The following ELOVL7 variants were observed in gnomAD, a reference collection of about 807,000 sequenced individuals.
ELOVL7 encodes ELOVL fatty acid elongase 7.
Under a neutral mutation model 35.7 loss-of-function variants are expected in ELOVL7, and 27 were observed. The observed-to-expected ratio is 0.76, with a 90% CI of 0.56 to 1.04. ELOVL7 has a LOEUF of 1.04. Ranked by LOEUF, ELOVL7 falls within the 50% of genes least tolerant of loss-of-function variation. ELOVL7 has a pLI of 0.00. For synonymous variants in ELOVL7, 113 were observed against 114.6 expected (o/e 0.99, Z 0.09); for missense variants, 327 against 340.8 (o/e 0.96, Z 0.32).
intron 1 of ELOVL7, among the ~76,000 whole-genome samples, chr5:60,838,384 T>C (rs1746958055): frequency 6.6e-6 from 1 of 152,222 alleles, no homozygotes; most frequent in South Asian, 2.1e-4. Context: ...CCCCAGGACC[T>C]GGTCTGTGTA....
chr5:60,810,883 G>A (rs1476522328), intron 1 of ELOVL7, among the ~76,000 whole-genome samples: 1 of 152,162 alleles, frequency 6.6e-6, no homozygotes, highest in African/African-American at 2.4e-5. Context: ...AATATCCATG[G>A]CATTCGTCAA....
intron 3 of ELOVL7, among the ~76,000 whole-genome samples, chr5:60,785,038 A>G (rs1743492717): frequency 6.6e-6 from 1 of 152,180 alleles, no homozygotes; most frequent in Non-Finnish European, 1.5e-5. Flanking sequence ...TTTGCTAATA[A>G]AGAAACAAAG....
intron 1 of ELOVL7, among the ~76,000 whole-genome samples, chr5:60,837,950 C>G (rs1268019441): frequency 6.6e-6 from 1 of 152,088 alleles, no homozygotes; most frequent in African/African-American, 2.4e-5. Flanking sequence ...AAAAAGATAT[C>G]TAATGTAAAC....
intron 4 of ELOVL7, among the ~76,000 whole-genome samples, chr5:60,771,115 G>A (rs1203160197): frequency 1.3e-5 from 2 of 152,170 alleles, no homozygotes; most frequent in African/African-American, 4.8e-5. Context: ...TTGGGCCCTC[G>A]TGAGCCCTAC....
chr5:60,764,749 G>T (rs1324779965), intron 6 of ELOVL7, among the ~76,000 whole-genome samples: 1 of 152,070 alleles, frequency 6.6e-6, no homozygotes, highest in African/African-American at 2.4e-5. Context: ...ATGGATAAGG[G>T]ATTAGGCAAA....
At chr5:60,807,266 A>G (rs138745613) in intron 1 of ELOVL7, among the ~76,000 whole-genome samples, 3 of 152,194 alleles carry the variant, frequency 2.0e-5, no homozygotes, top group Non-Finnish European at 4.4e-5. Flanking sequence ...AGGGAATGGG[A>G]TGCAACCTAT....
rs545171994 is a variant in ELOVL7, at chr5:60,764,736, G to A, written c.394-404C>T. 2.2e-4 allele frequency among the ~76,000 whole-genome samples: 34 copies of A among 152,236 alleles called. 1 individual carries two copies. Among genetic ancestry groups the A allele is most frequent in the Non-Finnish European group, 1.5e-5 (1 of 68,012 alleles). On this transcript the variant is annotated intron_variant, in intron 6 of 8. Transcript: ENST00000508821. ...ACATTGCTTTCTAATACATCTTACT[G>A]ATATGGATAAGGGATTAGGCAAACG... is the stretch of plus-strand genomic sequence containing the variant.
rs1746971521 is a variant in ELOVL7 at position 60,838,649 on chromosome 5, AGATT to A, written c.-86+5507_-86+5510del. 5.9e-5 allele frequency among the ~76,000 whole-genome samples: 9 copies of A among 152,326 alleles called. No homozygotes were observed. In the South Asian group the frequency reaches 1.9e-3, roughly 32 times the overall value. Reference sequence around the variant, plus strand: ...TCATGGCTTAAGTAGCTGCTTATCCAGATTGATTAAGATTTGTCTTTAACATGGG... The same window carrying A: ...TCATGGCTTAAGTAGCTGCTTATCCAGATTAAGATTTGTCTTTAACATGGG... On this transcript the variant is annotated intron_variant, in intron 1 of 8. Coordinates refer to ENST00000508821, the MANE Select transcript of ELOVL7 (RefSeq NM_024930.3).
At chr5:60,792,417 A>G (rs1743993665) in intron 2 of ELOVL7, among the ~76,000 whole-genome samples, 1 of 152,182 alleles carries the variant, frequency 6.6e-6, no homozygotes, top group South Asian at 2.1e-4. Flanking sequence ...CTGGATGCCA[A>G]TGTTACATTG....
At chr5:60,800,025 C>T (rs1250709575) in intron 1 of ELOVL7, among the ~76,000 whole-genome samples, 5 of 83,104 alleles carry the variant, frequency 6.0e-5, no homozygotes, top group Non-Finnish European at 1.1e-4. Context: ...CTCAAAACTC[C>T]ATCTCAAAAA....
chr5:60,843,932 G>A (rs1747341182), intron 1 of ELOVL7, among the ~76,000 whole-genome samples: 1 of 152,110 alleles, frequency 6.6e-6, no homozygotes, highest in African/African-American at 2.4e-5. Flanking sequence ...CCCACGCGCA[G>A]GCAGCGGGGA....
intron 1 of ELOVL7, among the ~76,000 whole-genome samples, chr5:60,821,428 T>C (rs1164579641): frequency 1.3e-5 from 2 of 152,208 alleles, no homozygotes; most frequent in Non-Finnish European, 1.5e-5. Flanking sequence ...ATGTCCCCTC[T>C]ATCCTCCAAC....
chr5:60,818,319 GAAAAAAAAAAA>G (rs60141189), intron 1 of ELOVL7, among the ~76,000 whole-genome samples: 1 of 70,592 alleles, frequency 1.4e-5, no homozygotes, highest in Non-Finnish European at 2.6e-5. Context: ...TTCCATCTCA[GAAAAAAAAAAA>G]AAAAAAAAAA....
chr5:60,818,154 C>T (rs1049655754), intron 1 of ELOVL7, among the ~76,000 whole-genome samples: 64 of 151,406 alleles, frequency 4.2e-4, no homozygotes, highest in African/African-American at 1.5e-3. Flanking sequence ...CCTGTCTGTA[C>T]TAAAAATATA....
intron 1 of ELOVL7, among the ~76,000 whole-genome samples, chr5:60,829,575 T>C (rs1461300562): frequency 6.6e-6 from 1 of 152,202 alleles, no homozygotes; most frequent in East Asian, 1.9e-4. Flanking sequence ...TCTATAAATC[T>C]ACCTGTTTGT....
chr5:60,783,987 A>C lies in ELOVL7; in HGVS notation c.64+3347T>G. On this transcript the variant is annotated intron_variant, in intron 3 of 8. Coordinates refer to ENST00000508821, the MANE Select transcript of ELOVL7 (RefSeq NM_024930.3). Reference sequence around the variant, plus strand: ...AGGATGGGAAGGCAGGCTGTCTGACAGTCTATACCCCAATGATTACCAAAG... The same window carrying C: ...AGGATGGGAAGGCAGGCTGTCTGACCGTCTATACCCCAATGATTACCAAAG... 4.8e-6 allele frequency: 3 copies of C among 622,006 alleles called. No individual in the cohort carries two copies. In the Admixed American group the frequency reaches 6.3e-5, roughly 13 times the overall value. 38.5% of individuals were successfully genotyped at this position (622,006 alleles called of 1,614,324 possible). A position where few individuals can be genotyped will look rare whatever the true frequency, so the allele number is the denominator to read the frequency against.
intron 1 of ELOVL7, among the ~76,000 whole-genome samples, chr5:60,831,461 T>C (rs756793530): frequency 1.4e-4 from 21 of 152,186 alleles, no homozygotes; most frequent in Non-Finnish European, 2.5e-4. Context: ...CCTTCTGAAG[T>C]CCATCCATAG....
At chr5:60,780,519 C>T (rs1242524974) in intron 3 of ELOVL7, among the ~76,000 whole-genome samples, 2 of 152,160 alleles carry the variant, frequency 1.3e-5, no homozygotes, top group Non-Finnish European at 2.9e-5. Context: ...TTCAGGTATC[C>T]TTATAGTAGC....
chr5:60,755,736 G>A (rs1424729682), intron 8 of ELOVL7, among the ~76,000 whole-genome samples: 2 of 152,144 alleles, frequency 1.3e-5, no homozygotes, highest in Non-Finnish European at 2.9e-5. Context: ...CCTTCTAGTA[G>A]TGCTCAAGGG....
Sources: gnomAD v4.1 joint callset for allele counts (sites outside exome capture counted in the v4.1 genomes callset) on GRCh38, gnomAD v4.1.1 for gene constraint, MANE v1.5 for transcripts, NCBI Gene and HGNC (gene_info 2026-07-23, HGNC 2026-07-21) for gene names.